Variants in ALK observed in about 807,000 individuals in gnomAD.
ALK encodes the protein ALK receptor tyrosine kinase, also known as ALK tyrosine kinase receptor.
Under a neutral mutation model 163.1 loss-of-function variants are expected in ALK, and 74 were observed. That is an observed-to-expected ratio of 0.45 (90% confidence interval 0.38 to 0.55). ALK has a LOEUF of 0.55. Ranked by LOEUF, ALK falls within the 20% of genes least tolerant of loss-of-function variation. The pLI is 0.00. For synonymous variants in ALK, 960 were observed against 843.2 expected (o/e 1.14, Z -2.40); for missense variants, 2,063 against 2,105.3 (o/e 0.98, Z 0.39).
At chr2:29,465,947 G>C (rs920031353) in intron 4 of ALK, among the ~76,000 whole-genome samples, 7 of 152,074 alleles carry the variant, frequency 4.6e-5, no homozygotes, top group Non-Finnish European at 5.9e-5. Flanking sequence ...TAGCACAAAG[G>C]CTGGGGGTAG....
intron 3 of ALK, among the ~76,000 whole-genome samples, chr2:29,637,197 G>A (rs1326608790): frequency 6.6e-6 from 1 of 152,038 alleles, no homozygotes; most frequent in African/African-American, 2.4e-5. Flanking sequence ...TTCCTCCATG[G>A]ATGTATGATT....
chr2:29,543,342 A>T (rs1282574441), intron 3 of ALK, among the ~76,000 whole-genome samples: 1 of 152,206 alleles, frequency 6.6e-6, no homozygotes, highest in Non-Finnish European at 1.5e-5. Context: ...GAGACTAGGG[A>T]GGCTAACAGG....
chr2:29,806,092 T>C (rs1442110168), intron 1 of ALK, among the ~76,000 whole-genome samples: 1 of 152,182 alleles, frequency 6.6e-6, no homozygotes, highest in Non-Finnish European at 1.5e-5. Flanking sequence ...ATCCAGATGT[T>C]TAAATAAAAA....
intron 1 of ALK, among the ~76,000 whole-genome samples, chr2:29,909,273 G>T (rs1206675772): frequency 6.6e-6 from 1 of 152,210 alleles, no homozygotes; most frequent in Non-Finnish European, 1.5e-5. Context: ...TATGTGGTGG[G>T]CCCTAGCACT....
chr2:29,425,255 C>T lies in ALK; in HGVS notation c.1155-41396G>A, dbSNP rs148744832. On this transcript the variant is annotated intron_variant, in intron 4 of 28. Transcript: ENST00000389048. ...TGACCTGCTCTCTCTTTTCCCCTCC[C>T]GGCTCAATATAATGGAAATTCCATT... Among the ~76,000 whole-genome samples, 344 of 152,246 alleles carry T rather than the reference C, an allele frequency of 2.3e-3. 2 individuals carry two copies. The highest frequency in any genetic ancestry group is 8.1e-3 in the African/African-American group (336 of 41,550).
At chr2:29,648,603 A>T (rs1237649840) in intron 3 of ALK, among the ~76,000 whole-genome samples, 1 of 152,074 alleles carries the variant, frequency 6.6e-6, no homozygotes, top group Non-Finnish European at 1.5e-5. Context: ...GGAATCATAC[A>T]GTATTTGTCC....
chr2:29,284,293 A>G (rs1665791125), intron 9 of ALK, among the ~76,000 whole-genome samples: 1 of 152,020 alleles, frequency 6.6e-6, no homozygotes, highest in Non-Finnish European at 1.5e-5. Flanking sequence ...GGTGGAAGTT[A>G]TGAGCATTGA....
At chr2:29,541,627 C>A (rs1403038034) in intron 3 of ALK, among the ~76,000 whole-genome samples, 1 of 152,114 alleles carries the variant, frequency 6.6e-6, no homozygotes, top group Non-Finnish European at 1.5e-5. Context: ...AAAGTGGGGA[C>A]TGAAGGAAAT....
At chr2:29,623,992 G>A (rs1558413573) in intron 3 of ALK, among the ~76,000 whole-genome samples, 1 of 152,284 alleles carries the variant, frequency 6.6e-6, no homozygotes, top group East Asian at 1.9e-4. Context: ...GACACATGAA[G>A]CTGAAACTGT....
chr2:29,705,280 T>TAA (rs5830128), intron 2 of ALK, among the ~76,000 whole-genome samples: 6 of 34,226 alleles, frequency 1.8e-4, no homozygotes, highest in East Asian at 1.4e-3. Context: ...TATATATATA[T>TAA]AAATATATAT....
chr2:29,219,940 C>T lies in ALK; in HGVS notation c.3645+766G>A, dbSNP rs113364311. Reference sequence around the variant, plus strand: ...CAGGTATTATTATCCCTACTTGAGACGTGAGGACTGTGGGCTCTGAATGAG... The same window carrying T: ...CAGGTATTATTATCCCTACTTGAGATGTGAGGACTGTGGGCTCTGAATGAG... On this transcript the variant is annotated intron_variant, in intron 23 of 28. Transcript: ENST00000389048. 8.9e-3 allele frequency among the ~76,000 whole-genome samples: 1,356 copies of T among 152,250 alleles called. 16 individuals carry two copies. Among genetic ancestry groups the T allele is most frequent in the African/African-American group, 0.031 (1,284 of 41,528 alleles).
intron 1 of ALK, among the ~76,000 whole-genome samples, chr2:29,893,844 T>C (rs1441974737): frequency 2.0e-5 from 3 of 152,098 alleles, no homozygotes; most frequent in Non-Finnish European, 4.4e-5. Flanking sequence ...TGGGTTCAAA[T>C]CCCAGTTCTG....
At position 29,246,638 on chromosome 2, in the gene ALK, C is replaced by T. The variant is rs565093570; in HGVS notation, c.2204+4467G>A. The stretch of plus-strand genomic sequence containing the variant: ...CTCGCTTCCTCAGTCCATGCCAGAG[C>T]GTGGATGTAGTCCCAGCGTTGCACC... On this transcript the variant is annotated intron_variant, in intron 12 of 28. Transcript: ENST00000389048. This position sits in a 1 kb window ranked among gnomAD's most constrained non-coding sequence, Gnocchi z 4.3. Among the ~76,000 whole-genome samples, 6 of 152,278 alleles carry T rather than the reference C, an allele frequency of 3.9e-5. No individual in the cohort carries two copies. The highest frequency in any genetic ancestry group is 5.9e-5 in the Non-Finnish European group (4 of 68,026).
At chr2:29,836,918 C>T (rs913607805) in intron 1 of ALK, among the ~76,000 whole-genome samples, 5 of 152,152 alleles carry the variant, frequency 3.3e-5, no homozygotes, top group Non-Finnish European at 7.3e-5. Flanking sequence ...ATAACTGGTA[C>T]AGAGCTATGT....
intron 2 of ALK, among the ~76,000 whole-genome samples, chr2:29,697,960 A>C (rs1443181754): frequency 6.6e-6 from 1 of 152,176 alleles, no homozygotes; most frequent in East Asian, 1.9e-4. Context: ...TCCTGTTAAC[A>C]CTAACCAAAC....
chr2:29,845,040 C>T (rs1665805085), intron 1 of ALK, among the ~76,000 whole-genome samples: 1 of 152,166 alleles, frequency 6.6e-6, no homozygotes. Context: ...CCAGTCTCAG[C>T]CCAGTCCCAG....
chr2:29,713,563 C>T (rs963853131), intron 2 of ALK, among the ~76,000 whole-genome samples: 1 of 152,156 alleles, frequency 6.6e-6, no homozygotes, highest in Admixed American at 6.5e-5. Context: ...AACACCAGGT[C>T]ATCCAGGAAG....
intron 2 of ALK, among the ~76,000 whole-genome samples, chr2:29,697,888 T>C (rs1678619680): frequency 6.6e-6 from 1 of 152,212 alleles, no homozygotes; most frequent in African/African-American, 2.4e-5. Flanking sequence ...CACTGGATTG[T>C]CTCCCAATGG....
intron 1 of ALK, among the ~76,000 whole-genome samples, chr2:29,735,641 G>C (rs990869765): frequency 6.6e-6 from 1 of 151,958 alleles, no homozygotes. Flanking sequence ...TCATGGGAGG[G>C]GCCCAGTGGG....
Sources: allele counts gnomAD v4.1 joint callset (sites outside exome capture counted in the v4.1 genomes callset), GRCh38; gene constraint gnomAD v4.1.1; non-coding constraint Gnocchi (gnomAD v3.1); transcripts MANE v1.5; gene names NCBI Gene and HGNC (gene_info 2026-07-23, HGNC 2026-07-21).